INPP4A: variants seen among roughly 807,000 people sequenced by gnomAD.
The protein encoded by INPP4A is inositol polyphosphate-4-phosphatase, type I, 107kD.
A neutral mutation model predicts 119.8 loss-of-function variants in INPP4A; 33 were observed. The ratio of observed to expected loss-of-function variants is 0.28; its 90% confidence interval spans 0.21 to 0.37. INPP4A has a LOEUF of 0.37. Among genes scored for constraint, INPP4A ranks in the 10% least tolerant of loss-of-function variants. The pLI, the probability that INPP4A is intolerant of heterozygous loss-of-function variation, is 1.00. For missense variants in INPP4A, 956 were observed against 1,289.9 expected (o/e 0.74, Z 3.97); for synonymous variants, 496 against 500.7 (o/e 0.99, Z 0.12).
In INPP4A at chr2:98,565,624, CCT is replaced by C. The variant is rs1559087210; in HGVS notation, c.2153-10_2153-9del. 4 of 1,595,770 alleles carry C rather than the reference CCT, an allele frequency of 2.5e-6. No homozygotes were observed. The highest frequency in any genetic ancestry group is 2.6e-6 in the Non-Finnish European group (3 of 1,167,288). On this transcript the variant is annotated splice_polypyrimidine_tract_variant and intron_variant, in intron 19 of 24. Transcript: ENST00000409851. ...GGGCCCTCTGCCTGACAGCCCTGCC[CCT>C]CTCTCATGTCCAGGGGAGGAGCTGG...
rs77743660 is a variant in INPP4A, at chr2:98,480,536, C to T, written c.-166+35451C>T. Among the ~76,000 whole-genome samples, 101 of 152,288 alleles carry T rather than the reference C, an allele frequency of 6.6e-4. 2 individuals are homozygous for T. In the East Asian group the frequency reaches 0.01, roughly 15 times the overall value. On this transcript the variant is annotated intron_variant, in intron 1 of 24. Coordinates refer to ENST00000409851, the MANE Select transcript of INPP4A (RefSeq NM_001134225.2). ...AGGAACATCATCACTGACTGTGGTT[C>T]CCCTGCACTGACATTCTGGGCATTA...
chr2:98,452,502 C>T (rs1695403913), intron 1 of INPP4A, among the ~76,000 whole-genome samples: 1 of 152,196 alleles, frequency 6.6e-6, no homozygotes, highest in Non-Finnish European at 1.5e-5. Flanking sequence ...GGAGACAGGG[C>T]TGACTTTTCC....
intron 1 of INPP4A, among the ~76,000 whole-genome samples, chr2:98,486,538 G>C (rs3769728): frequency 6.6e-6 from 1 of 152,150 alleles, no homozygotes; most frequent in Non-Finnish European, 1.5e-5. Context: ...AGGGGTTCCT[G>C]TTCTGGCAGA....
intron 24 of INPP4A, among the ~76,000 whole-genome samples, chr2:98,581,112 C>A (rs887956897): frequency 4.6e-5 from 7 of 152,132 alleles, no homozygotes; most frequent in Admixed American, 3.9e-4. Flanking sequence ...TCCTTTGTAC[C>A]ACCCCCTGCT....
chr2:98,588,411 T>A lies in INPP4A; in HGVS notation c.*803T>A, dbSNP rs372891531. On this transcript the variant is annotated 3_prime_UTR_variant, in exon 25 of 25. Transcript: ENST00000409851. ...ACATCTCCCCTTCTTCTCTAGATGT[T>A]AATGTAGGGCCTCAGATGTGGCATG... 6.0e-5 allele frequency: 12 copies of A among 201,098 alleles called. No homozygotes were observed. The highest frequency in any genetic ancestry group is 2.8e-4 in the African/African-American group (12 of 43,506). 12.5% of individuals were successfully genotyped at this position (201,098 alleles called of 1,614,324 possible).
chr2:98,499,439 A>G (rs1373879538), intron 1 of INPP4A, among the ~76,000 whole-genome samples: 1 of 152,212 alleles, frequency 6.6e-6, no homozygotes, highest in African/African-American at 2.4e-5. Context: ...GCCTTGTTTA[A>G]GATCTGCAGA....
chr2:98,571,543 G>A lies in INPP4A; in HGVS notation c.2519-1272G>A, dbSNP rs1030787291. Among the ~76,000 whole-genome samples, 11 of 152,350 alleles carry A rather than the reference G, an allele frequency of 7.2e-5. No homozygotes were observed. In the East Asian group the frequency reaches 1.9e-3, roughly 27 times the overall value. ...GGAGCTGTTACAATGGGCAGTGAAG[G>A]CCCAGGATGGGCGAGGCCTCCGGAA... On this transcript the variant is annotated intron_variant, in intron 22 of 24. Coordinates refer to ENST00000409851, the MANE Select transcript of INPP4A (RefSeq NM_001134225.2).
chr2:98,459,721 C>G (rs1696800486), intron 1 of INPP4A, among the ~76,000 whole-genome samples: 1 of 152,184 alleles, frequency 6.6e-6, no homozygotes, highest in South Asian at 2.1e-4. Context: ...TCCAGAGTGC[C>G]CCACTGTGCC....
In INPP4A at chr2:98,453,599, G is replaced by A. The variant is rs1574466126; in HGVS notation, c.-166+8514G>A. 2.0e-5 allele frequency among the ~76,000 whole-genome samples: 3 copies of A among 152,264 alleles called. No homozygotes were observed. The East Asian group carries it at 5.8e-4, about 29-fold the overall frequency. ...GCCTACGCTGGATGTGTATACACTT[G>A]GGGTCTTTTCCTGGGCGTGCGACCT... On this transcript the variant is annotated intron_variant, in intron 1 of 24. Coordinates refer to ENST00000409851, the MANE Select transcript of INPP4A (RefSeq NM_001134225.2).
intron 17 of INPP4A, 140 bp from the exon 18 acceptor site, chr2:98,563,325 C>T: frequency 1.2e-6 from 1 of 821,186 alleles, no homozygotes; most frequent in East Asian, 2.7e-5. Flanking sequence ...GGGTTGGTTC[C>T]AGACAGAGCT....
At chr2:98,518,784 C>G (rs1177729653) in intron 1 of INPP4A, among the ~76,000 whole-genome samples, 180 bp from the exon 2 acceptor site, 1 of 152,176 alleles carries the variant, frequency 6.6e-6, no homozygotes, top group Non-Finnish European at 1.5e-5. Flanking sequence ...TATGTGCTTT[C>G]TCTTTCTCAT....
intron 1 of INPP4A, among the ~76,000 whole-genome samples, chr2:98,492,576 G>A (rs1163391678): frequency 6.6e-6 from 1 of 152,202 alleles, no homozygotes; most frequent in Non-Finnish European, 1.5e-5. Flanking sequence ...TCTCAAAGGG[G>A]TGAGAGAGCG....
intron 1 of INPP4A, among the ~76,000 whole-genome samples, chr2:98,516,329 C>G (rs951164206): frequency 2.6e-5 from 4 of 152,168 alleles, no homozygotes; most frequent in African/African-American, 7.2e-5. Flanking sequence ...TTTCCGTGAC[C>G]TGTGAACTCT....
chr2:98,485,847 ATTGCTGG>A (rs1479730970), intron 1 of INPP4A, among the ~76,000 whole-genome samples: 2 of 152,246 alleles, frequency 1.3e-5, no homozygotes, highest in African/African-American at 4.8e-5. Context: ...GTACTAAAAT[ATTGCTGG>A]TTGCTAACCA....
At chr2:98,495,888 A>G (rs1681840177) in intron 1 of INPP4A, among the ~76,000 whole-genome samples, 2 of 152,264 alleles carry the variant, frequency 1.3e-5, no homozygotes, top group African/African-American at 2.4e-5. Flanking sequence ...TCTCTACAGA[A>G]TGTAGATTTT....
intron 1 of INPP4A, among the ~76,000 whole-genome samples, chr2:98,510,323 G>A (rs546434530): frequency 6.6e-6 from 1 of 152,198 alleles, no homozygotes; most frequent in Non-Finnish European, 1.5e-5. Context: ...TGAGGGGCTG[G>A]TGAGGTGAAA....
intron 24 of INPP4A, among the ~76,000 whole-genome samples, chr2:98,586,022 C>G (rs1699910674): frequency 6.6e-6 from 1 of 152,196 alleles, no homozygotes; most frequent in South Asian, 2.1e-4. Context: ...CCTATAGCTT[C>G]TGCTTTAAGT....
chr2:98,563,933 G>GTTT (rs60347668), intron 18 of INPP4A, among the ~76,000 whole-genome samples: 12 of 125,494 alleles, frequency 9.6e-5, no homozygotes, highest in Admixed American at 1.6e-4. Context: ...TCTTTGCTGC[G>GTTT]TTTTTTTTTT....
intron 1 of INPP4A, among the ~76,000 whole-genome samples, chr2:98,490,993 A>G (rs1177542701): frequency 6.6e-6 from 1 of 152,238 alleles, no homozygotes; most frequent in African/African-American, 2.4e-5. Context: ...TACAGTAGAA[A>G]AAAATAAAAT....
Sources: gnomAD v4.1 joint callset for allele counts (sites outside exome capture counted in the v4.1 genomes callset) on GRCh38, gnomAD v4.1.1 for gene constraint, MANE v1.5 for transcripts, NCBI Gene and HGNC (gene_info 2026-07-23, HGNC 2026-07-21) for gene names.